The following NTM variants were observed in gnomAD, a reference collection of about 807,000 sequenced individuals.
NTM encodes the protein IgLON family member 2.
In NTM, 13 loss-of-function variants were observed where a neutral mutation model predicts 42.1. The observed-to-expected ratio is 0.31, with a 90% CI of 0.20 to 0.49. The LOEUF is 0.49. Among genes scored for constraint, NTM ranks in the 20% least tolerant of loss-of-function variants. The probability of loss-of-function intolerance (pLI) is 0.99; values close to 1 mark genes in which losing one functional copy is unlikely to be tolerated. For synonymous variants in NTM, 187 were observed against 179.2 expected (o/e 1.04, Z -0.35); for missense variants, 373 against 452.8 (o/e 0.82, Z 1.60).
At position 132,140,886 on chromosome 11, in the gene NTM, T is replaced by A. The variant is rs1354151786; in HGVS notation, c.168-5396T>A. ...ACCAAACTTAGGGGCAGCTGGAGCA[T>A]TTCTGTGTGATAAGAGGCAATTGTG... On this transcript the variant is annotated intron_variant, in intron 2 of 8. Coordinates refer to ENST00000683400, the MANE Select transcript of NTM (RefSeq NM_001352005.2). The A allele has an allele frequency of 2.0e-5, 3 of 152,184 alleles. No individual in the cohort carries two copies. The East Asian group carries it at 5.8e-4, about 29-fold the overall frequency. The allele number at this position is 152,184 out of a possible 1,614,324, so 9.4% of individuals were successfully genotyped here.
At chr11:131,987,966 G>T (rs1212821907) in intron 2 of NTM, among the ~76,000 whole-genome samples, 1 of 152,214 alleles carries the variant, frequency 6.6e-6, no homozygotes, top group Non-Finnish European at 1.5e-5. Flanking sequence ...CAATCTGGTT[G>T]CTGTAACAAA....
At chr11:131,390,368 G>A (rs1240810701) in intron 1 of NTM, among the ~76,000 whole-genome samples, 6 of 152,204 alleles carry the variant, frequency 3.9e-5, no homozygotes, top group East Asian at 3.9e-4. Context: ...TGGAAATCAC[G>A]TTTCAATATG....
At chr11:131,753,698 C>G (rs942302748) in intron 1 of NTM, among the ~76,000 whole-genome samples, 19 of 151,450 alleles carry the variant, frequency 1.3e-4, no homozygotes, top group African/African-American at 4.4e-4. Context: ...ACAATGAGAA[C>G]ACATGGACAC....
intron 1 of NTM, among the ~76,000 whole-genome samples, chr11:131,388,241 G>A (rs1943564069): frequency 6.6e-6 from 1 of 151,894 alleles, no homozygotes; most frequent in African/African-American, 2.4e-5. Flanking sequence ...GCTTGGTGGT[G>A]TGTAAGCCGT....
At chr11:131,688,077 G>A (rs2074135709) in intron 1 of NTM, among the ~76,000 whole-genome samples, 1 of 152,268 alleles carries the variant, frequency 6.6e-6, no homozygotes, top group African/African-American at 2.4e-5. Context: ...CCCCGGAGGG[G>A]TGCGACGCGC....
intron 3 of NTM, among the ~76,000 whole-genome samples, chr11:132,194,520 G>A (rs1257012329): frequency 3.3e-5 from 5 of 152,052 alleles, no homozygotes; most frequent in African/African-American, 1.2e-4. Flanking sequence ...ATACTGAACG[G>A]ACAAAAGCTG....
intron 1 of NTM, among the ~76,000 whole-genome samples, chr11:131,894,994 C>T (rs1274698459): frequency 1.3e-5 from 2 of 152,192 alleles, no homozygotes; most frequent in Non-Finnish European, 2.9e-5. Flanking sequence ...AGGGGTGTAA[C>T]TGAAGCTCGA....
chr11:131,699,909 G>GGTGTGTGTGTGTGT (rs10577927), intron 1 of NTM, among the ~76,000 whole-genome samples: 3 of 130,558 alleles, frequency 2.3e-5, no homozygotes, highest in South Asian at 2.8e-4. Context: ...CAAAGCAGCA[G>GGTGTGTGTGTGTGT]GTGTGTGTGT....
At chr11:131,956,151 G>T (rs2061533498) in intron 2 of NTM, among the ~76,000 whole-genome samples, 2 of 152,162 alleles carry the variant, frequency 1.3e-5, no homozygotes, top group Non-Finnish European at 2.9e-5. Flanking sequence ...CCGCACTATA[G>T]AGACCCAGTC....
chr11:132,303,572 G>A (rs1441586774), intron 4 of NTM, among the ~76,000 whole-genome samples: 1 of 152,116 alleles, frequency 6.6e-6, no homozygotes, highest in African/African-American at 2.4e-5. Context: ...CACTCTCTGA[G>A]GTACTGATGG....
intron 1 of NTM, among the ~76,000 whole-genome samples, chr11:131,482,447 G>A (rs187389732): frequency 5.3e-4 from 80 of 152,298 alleles, no homozygotes; most frequent in Middle Eastern, 6.8e-3. Flanking sequence ...ACAAAAGCGT[G>A]ACATCCTCTT....
At chr11:131,499,399 G>A (rs530808221) in intron 1 of NTM, among the ~76,000 whole-genome samples, 40 of 152,032 alleles carry the variant, frequency 2.6e-4, no homozygotes, top group African/African-American at 8.4e-4. Context: ...TCACACATCC[G>A]CCCCCCACTC....
At chr11:131,985,640 C>T (rs145048798) in intron 2 of NTM, among the ~76,000 whole-genome samples, 5 of 152,160 alleles carry the variant, frequency 3.3e-5, no homozygotes, top group African/African-American at 9.6e-5. Context: ...GGGGAGAGCA[C>T]GCGGCGTCAT....
At position 132,207,504 on chromosome 11, in the gene NTM, A is replaced by G. The variant is rs556294347; in HGVS notation, c.401-4518A>G. 2.0e-5 allele frequency among the ~76,000 whole-genome samples: 3 copies of G among 152,326 alleles called. 1 individual carries two copies. The East Asian group carries it at 5.8e-4, about 29-fold the overall frequency. On this transcript the variant is annotated intron_variant, in intron 3 of 8. Coordinates refer to ENST00000683400, the MANE Select transcript of NTM (RefSeq NM_001352005.2). ...ATTATATGTTACAACATTACAATGTAATAATAATATAAATACAATGCATAA... is the reference window on the plus strand; with the variant it reads ...ATTATATGTTACAACATTACAATGTGATAATAATATAAATACAATGCATAA...
At chr11:131,422,623 C>G (rs1303334035) in intron 1 of NTM, among the ~76,000 whole-genome samples, 1 of 152,174 alleles carries the variant, frequency 6.6e-6, no homozygotes, top group Non-Finnish European at 1.5e-5. Context: ...CATACAGAAC[C>G]TGAGCACTTC....
chr11:132,076,381 C>T (rs1334599281), intron 2 of NTM, among the ~76,000 whole-genome samples: 1 of 152,092 alleles, frequency 6.6e-6, no homozygotes, highest in Non-Finnish European at 1.5e-5. Context: ...TAGCTGATCC[C>T]CATTGTGTTC....
At chr11:131,689,445 C>G (rs1392765586) in intron 1 of NTM, among the ~76,000 whole-genome samples, 2 of 152,228 alleles carry the variant, frequency 1.3e-5, no homozygotes, top group Non-Finnish European at 2.9e-5. Flanking sequence ...AGGACAAAAG[C>G]TCTTTAGAAA....
chr11:131,460,708 A>G (rs1951297723), intron 1 of NTM, among the ~76,000 whole-genome samples: 1 of 152,022 alleles, frequency 6.6e-6, no homozygotes, highest in African/African-American at 2.4e-5. Flanking sequence ...ACCCACCACC[A>G]CGCCTGGCTA....
At chr11:131,752,333 A>T (rs2082665336) in intron 1 of NTM, among the ~76,000 whole-genome samples, 1 of 152,200 alleles carries the variant, frequency 6.6e-6, no homozygotes, top group Non-Finnish European at 1.5e-5. Flanking sequence ...TCAAAACCAC[A>T]ATGAGATACC....
Sources: allele counts gnomAD v4.1 joint callset (sites outside exome capture counted in the v4.1 genomes callset), GRCh38; gene constraint gnomAD v4.1.1; transcripts MANE v1.5; gene names NCBI Gene and HGNC (gene_info 2026-07-23, HGNC 2026-07-21).